GFM2: variants seen among roughly 807,000 people sequenced by gnomAD.
The protein encoded by GFM2 is GTP dependent ribosome recycling factor mitochondrial 2, also known as ribosome-releasing factor 2, mitochondrial.
In GFM2, 72 loss-of-function variants were observed where a neutral mutation model predicts 95.4. The observed-to-expected ratio is 0.76, with a 90% CI of 0.62 to 0.92. The LOEUF is 0.92. Ranked by LOEUF, GFM2 falls within the 40% of genes least tolerant of loss-of-function variation. GFM2 has a pLI of 0.00. For synonymous variants in GFM2, 276 were observed against 317.5 expected (o/e 0.87, Z 1.39); for missense variants, 825 against 924.1 (o/e 0.89, Z 1.39).
At position 74,746,181 on chromosome 5, in the gene GFM2, T is replaced by C; in HGVS notation, c.609-16A>G. 1 of 1,376,952 alleles carries C rather than the reference T, an allele frequency of 7.3e-7. No individual in the cohort carries two copies. Among genetic ancestry groups the C allele is most frequent in the Admixed American group, 2.7e-5 (1 of 36,958 alleles). The allele number at this position is 1,376,952 out of a possible 1,614,324, so 85.3% of individuals were successfully genotyped here. A position where few individuals can be genotyped will look rare whatever the true frequency, so the allele number is the denominator to read the frequency against. ...ATACTTAAAGCTGTAGAAAGCAAAA[T>C]AATTATAGTTAAAAACATGGTTAAA... On this transcript the variant is annotated splice_polypyrimidine_tract_variant and intron_variant, in intron 8 of 20. Transcript: ENST00000296805.
chr5:74,765,524 T>G (rs1304027026), intron 1 of GFM2, among the ~76,000 whole-genome samples: 1 of 152,174 alleles, frequency 6.6e-6, no homozygotes, highest in Non-Finnish European at 1.5e-5. Context: ...CAGTGACATT[T>G]AAGCAAAGAC....
At chr5:74,764,750 A>C (rs1393837058) in intron 1 of GFM2, among the ~76,000 whole-genome samples, 2 of 150,298 alleles carry the variant, frequency 1.3e-5, no homozygotes, top group Middle Eastern at 3.4e-3. Flanking sequence ...TTGATTTCCT[A>C]AATATATTTG....
chr5:74,736,767 A>C, intron 15 of GFM2, 29 bp downstream of exon 15: 1 of 1,612,680 alleles, frequency 6.2e-7, no homozygotes, highest in Non-Finnish European at 8.5e-7. Flanking sequence ...CAGCGCACTA[A>C]TTAGTTGACA....
At chr5:74,760,816 T>C (rs546744780) in intron 3 of GFM2, 86 bp downstream of exon 3, 291 of 889,264 alleles carry the variant, frequency 3.3e-4, no homozygotes, top group African/African-American at 2.6e-3. Context: ...TACAGAGCCC[T>C]AATAAGGGAG....
chr5:74,726,462 T>A (rs1047067743), intron 17 of GFM2, among the ~76,000 whole-genome samples: 3 of 152,226 alleles, frequency 2.0e-5, no homozygotes, highest in Non-Finnish European at 4.4e-5. Flanking sequence ...CAAACTTTTA[T>A]ATTAAAAAAA....
Position 74,755,020 on chromosome 5 carries a change from C to T in GFM2, c.305-3527G>A, listed in dbSNP as rs181888727. Among the ~76,000 whole-genome samples, 549 of 152,142 alleles carry T rather than the reference C, an allele frequency of 3.6e-3. 6 individuals carry two copies. Among genetic ancestry groups the T allele is most frequent in the African/African-American group, 0.013 (524 of 41,486 alleles). ...CTGAGGTAGGGGAATTGCTTGAACC[C>T]GGGAGGTGGAGGTTGCAATGAGCCA... On this transcript the variant is annotated intron_variant, in intron 5 of 20. Coordinates refer to ENST00000296805, the MANE Select transcript of GFM2 (RefSeq NM_032380.5).
rs375912721 is a variant in GFM2 at position 74,745,214 on chromosome 5, G to A, written c.849+464C>T. 1.2e-4 allele frequency among the ~76,000 whole-genome samples: 18 copies of A among 152,132 alleles called. No homozygotes were observed. In the East Asian group the frequency reaches 2.7e-3, roughly 23 times the overall value. On this transcript the variant is annotated intron_variant, in intron 10 of 20. Coordinates refer to ENST00000296805, the MANE Select transcript of GFM2 (RefSeq NM_032380.5). ...AAAAAAATTAGCTTGGAGTGGTGGTGCGTGCCTGTAATCCCAGCTACCCAG... is the reference window on the plus strand; with the variant it reads ...AAAAAAATTAGCTTGGAGTGGTGGTACGTGCCTGTAATCCCAGCTACCCAG...
intron 10 of GFM2, among the ~76,000 whole-genome samples, chr5:74,742,678 T>C (rs1225111450): frequency 2.0e-5 from 3 of 152,066 alleles, no homozygotes; most frequent in Non-Finnish European, 4.4e-5. Context: ...TACTCTTTTT[T>C]TTTTTTGATA....
intron 5 of GFM2, among the ~76,000 whole-genome samples, chr5:74,755,005 G>A (rs1420225844): frequency 1.3e-5 from 2 of 151,974 alleles, no homozygotes; most frequent in Non-Finnish European, 2.9e-5. Flanking sequence ...CTGAGGTAGG[G>A]GAATTGCTTG....
At chr5:74,728,151 A>G (rs1463932173) in intron 17 of GFM2, among the ~76,000 whole-genome samples, 2 of 152,154 alleles carry the variant, frequency 1.3e-5, no homozygotes, top group Non-Finnish European at 2.9e-5. Context: ...TGGCCCTTGA[A>G]TAATGTGGGG....
intron 11 of GFM2, among the ~76,000 whole-genome samples, chr5:74,740,544 A>G (rs1005190707): frequency 1.3e-5 from 2 of 152,158 alleles, no homozygotes; most frequent in Non-Finnish European, 2.9e-5. Flanking sequence ...TCCATATTAA[A>G]CAAAATCCTA....
At chr5:74,752,957 A>G (rs1417277590) in intron 5 of GFM2, among the ~76,000 whole-genome samples, 1 of 152,132 alleles carries the variant, frequency 6.6e-6, no homozygotes, top group African/African-American at 2.4e-5. Flanking sequence ...CCCAAATGAG[A>G]AGGAACCAGA....
chr5:74,748,499 C>T (rs1208284078), intron 7 of GFM2, among the ~76,000 whole-genome samples: 1 of 152,172 alleles, frequency 6.6e-6, no homozygotes, highest in Non-Finnish European at 1.5e-5. Flanking sequence ...GCTTCTTTGG[C>T]TCAACATGTT....
chr5:74,725,952 G>A lies in GFM2; in HGVS notation c.1901C>T (p.Ala634Val). The change falls in exon 18 of 21, where the codon GCA becomes GTA. Residue 634 changes from alanine (A) to valine (V), a missense_variant. By Grantham distance (64) the Ala-to-Val change is moderately conservative (BLOSUM62 0). Coordinates refer to ENST00000296805, the MANE Select transcript of GFM2 (RefSeq NM_032380.5). Reference sequence around the variant, plus strand: ...TTTGAGTGTCTTACCTTGGAGACATGCGCTGTGAATTCCATTTTCAATGGC... The same window carrying A: ...TTTGAGTGTCTTACCTTGGAGACATACGCTGTGAATTCCATTTTCAATGGC... ...QEAIENGIHS[A>V]CLQGPLLGSP... is the part of the protein sequence containing the mutation. 2 of 1,610,056 alleles carry A rather than the reference G, an allele frequency of 1.2e-6. No homozygotes were observed. The highest frequency in any genetic ancestry group is 1.7e-6 in the Non-Finnish European group (2 of 1,178,484).
chr5:74,760,969 T>C lies in GFM2; in HGVS notation c.81A>G (p.Lys27=). 1 of 1,601,470 alleles carries C rather than the reference T, an allele frequency of 6.2e-7. No individual in the cohort carries two copies. The highest frequency in any genetic ancestry group is 8.6e-7 in the Non-Finnish European group (1 of 1,169,398). Residue 27 remains lysine (K), a synonymous_variant, in exon 3 of 21, where the codon AAA becomes AAG. Coordinates refer to ENST00000296805, the MANE Select transcript of GFM2 (RefSeq NM_032380.5). ...TTAATCTTTTTAAACTTGCTCTTAT[T>C]TTATAGCAGCATATATTCTAGTAAA... ...SVYINNICCY[K]IRASLKRLKP...
intron 20 of GFM2, 80 bp from the exon 21 acceptor site, chr5:74,721,863 T>A: frequency 7.2e-7 from 1 of 1,384,682 alleles, no homozygotes; most frequent in Non-Finnish European, 9.9e-7. Context: ...CTTTTGACTA[T>A]TAGGGAAAAG....
chr5:74,754,484 G>A (rs1743878414), intron 5 of GFM2, among the ~76,000 whole-genome samples: 1 of 151,914 alleles, frequency 6.6e-6, no homozygotes, highest in Non-Finnish European at 1.5e-5. Flanking sequence ...AACACATAAA[G>A]ACTCAAATAA....
chr5:74,751,228 TGTACACTTAAAAATG>T, intron 6 of GFM2, 125 bp downstream of exon 6: 1 of 747,978 alleles, frequency 1.3e-6, no homozygotes, highest in Non-Finnish European at 2.2e-6. Flanking sequence ...ACTACTAAAC[TGTACACTTAAAAATG>T]GTTGAGATGG....
At chr5:74,742,636 G>A (rs898598244) in intron 10 of GFM2, among the ~76,000 whole-genome samples, 4 of 151,226 alleles carry the variant, frequency 2.6e-5, no homozygotes, top group East Asian at 1.9e-4. Context: ...TTAAATTATC[G>A]CAAAATATAC....
Sources: gnomAD v4.1 joint callset for allele counts (sites outside exome capture counted in the v4.1 genomes callset) on GRCh38, gnomAD v4.1.1 for gene constraint, MANE v1.5 for transcripts, NCBI Gene and HGNC (gene_info 2026-07-23, HGNC 2026-07-21) for gene names.